The following STAG2 variants were observed in gnomAD, a reference collection of about 807,000 sequenced individuals.
STAG2 encodes the protein STAG2 cohesin complex component, also known as cohesin subunit SA-2.
A neutral mutation model predicts 108.1 loss-of-function variants in STAG2; 14 were observed. The observed-to-expected ratio is 0.13, with a 90% CI of 0.09 to 0.20. STAG2 has a LOEUF of 0.20. Among genes scored for constraint, STAG2 ranks in the 10% least tolerant of loss-of-function variants. The pLI, the probability that STAG2 is intolerant of heterozygous loss-of-function variation, is 1.00. For missense variants in STAG2, 440 were observed against 940.9 expected (o/e 0.47, Z 6.96); for synonymous variants, 307 against 302.7 (o/e 1.01, Z -0.15).
At chrX:123,982,953 A>AT (rs1268363355) in intron 1 of STAG2, among the ~76,000 whole-genome samples, 2 of 111,150 alleles carry the variant, frequency 1.8e-5, no homozygotes, top group Non-Finnish European at 3.8e-5. Flanking sequence ...GCTCTTGGTA[A>AT]CTGAAGTTAT....
intron 5 of STAG2, among the ~76,000 whole-genome samples, chrX:124,034,651 A>G (rs1241123640): frequency 6.3e-5 from 7 of 111,199 alleles, no homozygotes; most frequent in Admixed American, 1.9e-4. Context: ...TGCATATCAA[A>G]TAGGACTGAG....
At chrX:124,061,083 C>T (rs766666713) in intron 15 of STAG2, 141 bp from the exon 16 acceptor site, 7 of 367,992 alleles carry the variant, frequency 1.9e-5, no homozygotes, top group African/African-American at 1.0e-4. Flanking sequence ...GCAGTTTCTT[C>T]TCTGTCCTTT....
At chrX:123,964,028 C>T (rs1251753470) in intron 1 of STAG2, among the ~76,000 whole-genome samples, 1 of 111,356 alleles carries the variant, frequency 9.0e-6, no homozygotes, top group Non-Finnish European at 1.9e-5. Flanking sequence ...ATTATTGTAG[C>T]TGGATGAATA....
At chrX:124,061,930 T>A in intron 17 of STAG2, 56 bp downstream of exon 17, 1 of 915,339 alleles carries the variant, frequency 1.1e-6, no homozygotes, top group Non-Finnish European at 1.5e-6. Flanking sequence ...TTTTTCAGTA[T>A]CTTTTTAAAA....
intron 1 of STAG2, among the ~76,000 whole-genome samples, chrX:123,996,523 C>T (rs1200840983): frequency 3.6e-5 from 4 of 111,660 alleles, no homozygotes; most frequent in African/African-American, 9.8e-5. Context: ...TTCCACATCC[C>T]TCCAATATTC....
chrX:124,083,794 C>T (rs1236019528), intron 29 of STAG2, among the ~76,000 whole-genome samples: 2 of 111,754 alleles, frequency 1.8e-5, no homozygotes, highest in East Asian at 5.6e-4. Flanking sequence ...AATTTGAATA[C>T]TTTATGTATT....
chrX:124,061,775 A>G lies in STAG2; in HGVS notation c.1539A>G (p.Leu513=), dbSNP rs2148311129. The G allele has an allele frequency of 9.2e-7, 1 of 1,083,370 alleles. No homozygotes were observed. Among genetic ancestry groups the G allele is most frequent in the Non-Finnish European group, 1.2e-6 (1 of 818,897 alleles). The allele number at this position is 1,083,370 out of a possible 1,213,427, so 89.3% of individuals were successfully genotyped here. The part of the protein sequence containing the change: ...LEEPLSGEEA[L]TDRQESALIE... ...TTTTTTTTTTTTTTTTTTTAGCACT[A>G]ACAGATAGGCAAGAGAGTGCTCTGA... The change falls in exon 17 of 35, where the codon CTA becomes CTG. Residue 513 remains leucine, a synonymous_variant. Transcript: ENST00000371145.
intron 4 of STAG2, among the ~76,000 whole-genome samples, chrX:124,027,366 C>A (rs1019950186): frequency 4.5e-5 from 5 of 112,156 alleles, no homozygotes; most frequent in Non-Finnish European, 7.5e-5. Context: ...TAAAAAGACT[C>A]GAGAGAGGGA....
intron 4 of STAG2, among the ~76,000 whole-genome samples, chrX:124,030,186 A>G (rs1395841484): frequency 8.9e-6 from 1 of 112,011 alleles, no homozygotes; most frequent in Non-Finnish European, 1.9e-5. Flanking sequence ...TATAAGGTAC[A>G]TATTTGATAA....
At chrX:124,062,110 C>G (rs1339948019) in intron 17 of STAG2, among the ~76,000 whole-genome samples, 3 of 111,150 alleles carry the variant, frequency 2.7e-5, no homozygotes, top group Non-Finnish European at 5.7e-5. Context: ...GCCTTCATGA[C>G]TGAATGTAGC....
chrX:124,036,990 A>T (rs890089093), intron 5 of STAG2, among the ~76,000 whole-genome samples: 2 of 110,427 alleles, frequency 1.8e-5, no homozygotes, highest in South Asian at 3.9e-4. Context: ...GATTCAAGTG[A>T]TACTCCTGCC....
At chrX:124,058,004 T>C (rs1467794852) in intron 15 of STAG2, 27 bp downstream of exon 15, 2 of 1,044,016 alleles carry the variant, frequency 1.9e-6, no homozygotes, top group South Asian at 4.4e-5. Context: ...TATTTTATAC[T>C]TAGGTTCGAA....
At chrX:124,063,716 A>G in intron 19 of STAG2, 132 bp from the exon 20 acceptor site, 1 of 479,920 alleles carries the variant, frequency 2.1e-6, no homozygotes, top group Non-Finnish European at 3.6e-6. Context: ...TTAGAAAAGC[A>G]CCTTAAAATG....
intron 32 of STAG2, among the ~76,000 whole-genome samples, chrX:124,093,661 G>A (rs1260218889): frequency 1.8e-5 from 2 of 109,181 alleles, no homozygotes; most frequent in Non-Finnish European, 3.8e-5. Flanking sequence ...CATTTTTTTG[G>A]TCTCTGTTTT....
intron 8 of STAG2, among the ~76,000 whole-genome samples, chrX:124,047,116 T>C (rs2057901407): frequency 8.9e-6 from 1 of 111,850 alleles, no homozygotes; most frequent in Non-Finnish European, 1.9e-5. Flanking sequence ...GCTTCAATTT[T>C]GCCGTGAATG....
At chrX:124,038,008 T>C (rs1354385598) in intron 6 of STAG2, among the ~76,000 whole-genome samples, 1 of 111,613 alleles carries the variant, frequency 9.0e-6, no homozygotes, top group Non-Finnish European at 1.9e-5. Context: ...GTGCCATGAA[T>C]AACAGTAAGT....
chrX:124,061,768 T>TTTTTTGA lies in STAG2; in HGVS notation c.1535-3_1535-2insTTTTTGA. ...CTTTTTTTTTTTTTTTTTTTTTTTT[T>TTTTTTGA]AGCACTAACAGATAGGCAAGAGAGT... On this transcript the variant is annotated splice_polypyrimidine_tract_variant and splice_region_variant and intron_variant, in intron 16 of 34. Transcript: ENST00000371145. The TTTTTTGA allele has an allele frequency of 1.1e-6, 1 of 895,483 alleles. No homozygotes were observed. The highest frequency in any genetic ancestry group is 1.5e-6 in the Non-Finnish European group (1 of 660,456). The allele number at this position is 895,483 out of a possible 1,213,427, so 73.8% of individuals were successfully genotyped here.
chrX:124,030,107 C>G (rs1485037427), intron 4 of STAG2, among the ~76,000 whole-genome samples: 3 of 111,480 alleles, frequency 2.7e-5, no homozygotes, highest in African/African-American at 9.8e-5. Flanking sequence ...TCCTAATGTT[C>G]AGAATTCCTT....
At chrX:124,064,185 C>T (rs776297790) in intron 20 of STAG2, 134 bp downstream of exon 20, 2 of 465,399 alleles carry the variant, frequency 4.3e-6, no homozygotes, top group South Asian at 4.6e-5. Flanking sequence ...GCTTTTCATT[C>T]TATGACTCAT....
Sources: gnomAD v4.1 joint callset for allele counts (sites outside exome capture counted in the v4.1 genomes callset) on GRCh38, gnomAD v4.1.1 for gene constraint, MANE v1.5 for transcripts, NCBI Gene and HGNC (gene_info 2026-07-23, HGNC 2026-07-21) for gene names.